The following METTL16 variants were observed in gnomAD, a reference collection of about 807,000 sequenced individuals.
METTL16 encodes the protein methyltransferase 16, RNA N6-adenosine, also known as RNA N(6)-adenosine-methyltransferase METTL16.
Under a neutral mutation model 57.9 loss-of-function variants are expected in METTL16, and 19 were observed. The observed-to-expected ratio is 0.33, with a 90% CI of 0.23 to 0.48. The LOEUF is 0.48. Among genes scored for constraint, METTL16 ranks in the 20% least tolerant of loss-of-function variants. The pLI is 0.99. For synonymous variants in METTL16, 246 were observed against 255.6 expected (o/e 0.96, Z 0.36); for missense variants, 434 against 691.5 (o/e 0.63, Z 4.18).
chr17:2,484,783 C>T (rs578030570), intron 2 of METTL16, among the ~76,000 whole-genome samples: 3 of 152,260 alleles, frequency 2.0e-5, no homozygotes, highest in South Asian at 2.1e-4. Context: ...TGTGAGCCAC[C>T]GCGCCTGGTG....
At chr17:2,479,883 C>T (rs1453543286) in intron 2 of METTL16, among the ~76,000 whole-genome samples, 1 of 152,066 alleles carries the variant, frequency 6.6e-6, no homozygotes, top group Non-Finnish European at 1.5e-5. Context: ...CTCAGTTTCT[C>T]CACCTATAAA....
intron 4 of METTL16, among the ~76,000 whole-genome samples, chr17:2,472,347 G>C (rs1036285411): frequency 1.3e-5 from 2 of 152,084 alleles, no homozygotes; most frequent in African/African-American, 4.8e-5. Flanking sequence ...ATTGCTGCTG[G>C]GAGTGCAAAA....
At chr17:2,509,847 A>T (rs2067574745) in intron 1 of METTL16, among the ~76,000 whole-genome samples, 2 of 151,994 alleles carry the variant, frequency 1.3e-5, no homozygotes, top group African/African-American at 4.8e-5. Flanking sequence ...CAGGAGGCCG[A>T]AGTTGCAGTG....
At position 2,420,633 on chromosome 17, in the gene METTL16, C is replaced by A; in HGVS notation, c.1063-37G>T. On this transcript the variant is annotated intron_variant, in intron 9 of 9. Coordinates refer to ENST00000263092, the MANE Select transcript of METTL16 (RefSeq NM_024086.4). The surrounding 1 kb of genome is among the most constrained non-coding windows in gnomAD (Gnocchi z 5.4). ...AAAAACAGAATTTTGTGGGAAATCACGTTTCCCCTCTCTCCAAACTCTCAA... is the reference window on the plus strand; with the variant it reads ...AAAAACAGAATTTTGTGGGAAATCAAGTTTCCCCTCTCTCCAAACTCTCAA... The A allele has an allele frequency of 1.3e-6, 2 of 1,569,770 alleles. No individual in the cohort carries two copies. The highest frequency in any genetic ancestry group is 1.7e-6 in the Non-Finnish European group (2 of 1,163,884).
At chr17:2,442,336 G>T (rs921328240) in intron 6 of METTL16, among the ~76,000 whole-genome samples, 2 of 152,186 alleles carry the variant, frequency 1.3e-5, no homozygotes, top group African/African-American at 4.8e-5. Context: ...TTCCTAGAAG[G>T]AAATTCCCAG....
intron 2 of METTL16, among the ~76,000 whole-genome samples, chr17:2,489,698 C>A (rs906739920): frequency 7.8e-6 from 1 of 128,682 alleles, no homozygotes; most frequent in Admixed American, 9.3e-5. Flanking sequence ...AAGATCACGC[C>A]ACTGCACTCC....
intron 6 of METTL16, among the ~76,000 whole-genome samples, chr17:2,457,337 CAAAA>C (rs57968051): frequency 1.6e-3 from 67 of 42,588 alleles, no homozygotes; most frequent in Non-Finnish European, 2.4e-3. Context: ...GACTCCGTCT[CAAAA>C]AAAAAAAAAA....
At chr17:2,468,872 A>G (rs1460006353) in intron 4 of METTL16, among the ~76,000 whole-genome samples, 1 of 151,852 alleles carries the variant, frequency 6.6e-6, no homozygotes, top group East Asian at 1.9e-4. Flanking sequence ...TGGATGACAG[A>G]GTGAGACCCT....
At chr17:2,496,375 T>G (rs1244415358) in intron 2 of METTL16, among the ~76,000 whole-genome samples, 1 of 151,470 alleles carries the variant, frequency 6.6e-6, no homozygotes, top group Non-Finnish European at 1.5e-5. Context: ...ATAAGTTCAC[T>G]GCAGCCTTGA....
At chr17:2,500,824 T>A (rs2067482207) in intron 2 of METTL16, among the ~76,000 whole-genome samples, 1 of 151,996 alleles carries the variant, frequency 6.6e-6, no homozygotes, top group South Asian at 2.1e-4. Context: ...TTTCTTAATT[T>A]AAAAAAATCA....
At chr17:2,477,515 G>T (rs941399345) in intron 3 of METTL16, 171 bp downstream of exon 3, 2 of 609,222 alleles carry the variant, frequency 3.3e-6, no homozygotes, top group African/African-American at 3.7e-5. Flanking sequence ...AGTGCTCAAA[G>T]GTTGCAGATT....
chr17:2,452,060 C>G (rs1275684989), intron 6 of METTL16, among the ~76,000 whole-genome samples: 3 of 149,300 alleles, frequency 2.0e-5, no homozygotes, highest in African/African-American at 5.0e-5. Context: ...TCGCTTGAGC[C>G]TGGGAGGTCA....
At chr17:2,470,942 A>T (rs1159554515) in intron 4 of METTL16, among the ~76,000 whole-genome samples, 1 of 152,230 alleles carries the variant, frequency 6.6e-6, no homozygotes, top group Non-Finnish European at 1.5e-5. Context: ...CAAGTTAAAA[A>T]ACTGACACTA....
chr17:2,472,458 A>G (rs773385949), intron 4 of METTL16, among the ~76,000 whole-genome samples: 1 of 152,230 alleles, frequency 6.6e-6, no homozygotes, highest in Non-Finnish European at 1.5e-5. Context: ...TAAAGGAGTC[A>G]AAAACTTACA....
At chr17:2,488,133 C>T (rs1480484853) in intron 2 of METTL16, among the ~76,000 whole-genome samples, 1 of 152,178 alleles carries the variant, frequency 6.6e-6, no homozygotes, top group Non-Finnish European at 1.5e-5. Context: ...GATATCTGCA[C>T]ACCCATATTT....
At chr17:2,465,154 C>T (rs1218792871) in intron 5 of METTL16, among the ~76,000 whole-genome samples, 1 of 152,192 alleles carries the variant, frequency 6.6e-6, no homozygotes, top group Middle Eastern at 3.4e-3. Context: ...CCAATAAGCA[C>T]GTGAAAAGAT....
At chr17:2,489,923 T>C (rs1232925704) in intron 2 of METTL16, among the ~76,000 whole-genome samples, 3 of 152,036 alleles carry the variant, frequency 2.0e-5, no homozygotes, top group African/African-American at 7.2e-5. Context: ...CTAAATAAGC[T>C]ATAATATAAC....
intron 8 of METTL16, among the ~76,000 whole-genome samples, chr17:2,429,766 C>CA (rs201353601): frequency 3.4e-5 from 5 of 148,954 alleles, no homozygotes; most frequent in East Asian, 3.9e-4. Flanking sequence ...CCTCCCCAAT[C>CA]AAAAAAAAAG....
chr17:2,466,822 T>A (rs1388971669), intron 5 of METTL16, among the ~76,000 whole-genome samples: 3 of 151,410 alleles, frequency 2.0e-5, no homozygotes, highest in Admixed American at 6.6e-5. Flanking sequence ...CCCAAAATAT[T>A]TTTTTTTTGA....
Sources: gnomAD v4.1 joint callset for allele counts (sites outside exome capture counted in the v4.1 genomes callset) on GRCh38, gnomAD v4.1.1 for gene constraint, Gnocchi (gnomAD v3.1) non-coding constraint, MANE v1.5 for transcripts, NCBI Gene and HGNC (gene_info 2026-07-23, HGNC 2026-07-21) for gene names.